The following CAPZB variants were observed in gnomAD, a reference collection of about 807,000 sequenced individuals.
The protein encoded by CAPZB is F-actin-capping protein subunit beta.
A neutral mutation model predicts 38.1 loss-of-function variants in CAPZB; 2 were observed. The ratio of observed to expected loss-of-function variants is 0.05; its 90% CI spans 0.02 to 0.17. CAPZB has a LOEUF of 0.17. Among genes scored for constraint, CAPZB ranks in the 10% least tolerant of loss-of-function variants. The pLI is 1.00. For missense variants in CAPZB, 161 were observed against 334.2 expected, an observed-to-expected ratio of 0.48 and a Z score of 4.04; for synonymous variants, 107 against 127.4, an observed-to-expected ratio of 0.84 and a Z score of 1.08.
Position 19,356,551 on chromosome 1 carries a change from G to A in CAPZB, c.588+84C>T, listed in dbSNP as rs1460909528. On this transcript the variant is annotated intron_variant, in intron 6 of 8. Transcript: ENST00000264202. This position sits in a 1 kb window ranked among gnomAD's most constrained non-coding sequence, Gnocchi z 4.3. The stretch of plus-strand genomic sequence containing the variant: ...GCTGAACATGCTTACCCTAAATGGG[G>A]CACCTGCTCACTCATCTCTGCAGGT... 4.6e-6 allele frequency: 4 copies of A among 860,712 alleles called. No individual in the cohort carries two copies. In the African/African-American group the frequency reaches 6.6e-5, roughly 14 times the overall value. 53.3% of individuals were successfully genotyped at this position (860,712 alleles called of 1,614,324 possible).
At chr1:19,421,328 A>G (rs1014668457) in intron 1 of CAPZB, among the ~76,000 whole-genome samples, 1 of 152,228 alleles carries the variant, frequency 6.6e-6, no homozygotes, top group Non-Finnish European at 1.5e-5. Context: ...ATTATTAAGG[A>G]GAGTCAATTT....
At chr1:19,370,666 T>C (rs1020698169) in intron 4 of CAPZB, among the ~76,000 whole-genome samples, 1 of 152,144 alleles carries the variant, frequency 6.6e-6, no homozygotes, top group African/African-American at 2.4e-5. Flanking sequence ...GTCACTCTTA[T>C]CAGGGAGTGG....
intron 4 of CAPZB, among the ~76,000 whole-genome samples, chr1:19,362,166 A>G (rs2094056362): frequency 6.7e-6 from 1 of 150,038 alleles, no homozygotes; most frequent in Non-Finnish European, 1.5e-5. Context: ...GTCTCTGGTC[A>G]AGGAGGTAGA....
chr1:19,407,828 C>T (rs1217660589), intron 2 of CAPZB, among the ~76,000 whole-genome samples: 4 of 152,142 alleles, frequency 2.6e-5, no homozygotes, highest in Non-Finnish European at 5.9e-5. Context: ...AAGAAAAGTG[C>T]CTAGCAAGCA....
At chr1:19,399,174 C>T (rs765719632) in intron 2 of CAPZB, among the ~76,000 whole-genome samples, 6 of 152,178 alleles carry the variant, frequency 3.9e-5, no homozygotes, top group Middle Eastern at 3.4e-3. Flanking sequence ...ACAACTCTTG[C>T]GTGTGCTAAA....
intron 4 of CAPZB, among the ~76,000 whole-genome samples, chr1:19,363,683 G>A (rs1341479494): frequency 2.0e-5 from 3 of 152,178 alleles, no homozygotes; most frequent in Admixed American, 6.5e-5. Flanking sequence ...GGGTGGAAAC[G>A]TGCTCGGGGA....
chr1:19,413,199 TGGA>T (rs1482316627), intron 2 of CAPZB, among the ~76,000 whole-genome samples: 4 of 152,202 alleles, frequency 2.6e-5, no homozygotes, highest in Non-Finnish European at 5.9e-5. Flanking sequence ...TTTTGACCCG[TGGA>T]GGAGAAGGCA....
At chr1:19,470,736 A>T (rs1421212573) in intron 1 of CAPZB, among the ~76,000 whole-genome samples, 1 of 152,240 alleles carries the variant, frequency 6.6e-6, no homozygotes, top group Non-Finnish European at 1.5e-5. Flanking sequence ...TGGGTTCAAG[A>T]CCTGACTCTG....
intron 4 of CAPZB, among the ~76,000 whole-genome samples, chr1:19,365,601 C>T (rs1039074492): frequency 2.6e-5 from 4 of 151,876 alleles, no homozygotes; most frequent in African/African-American, 7.3e-5. Flanking sequence ...GAGGCCGAGA[C>T]GGGCAGATCA....
intron 2 of CAPZB, among the ~76,000 whole-genome samples, chr1:19,409,844 A>T (rs1302297510): frequency 1.3e-5 from 2 of 152,230 alleles, no homozygotes; most frequent in African/African-American, 4.8e-5. Flanking sequence ...GCACTGGCTT[A>T]TGCACCTTCT....
At chr1:19,371,200 G>A (rs1298594798) in intron 4 of CAPZB, among the ~76,000 whole-genome samples, 1 of 152,212 alleles carries the variant, frequency 6.6e-6, no homozygotes, top group Non-Finnish European at 1.5e-5. Context: ...GCTGTGGGAG[G>A]TGGTGGAAGA....
intron 1 of CAPZB, among the ~76,000 whole-genome samples, chr1:19,440,210 G>C (rs1415151321): frequency 6.6e-6 from 1 of 152,076 alleles, no homozygotes; most frequent in African/African-American, 2.4e-5. Flanking sequence ...GTTAATTTTT[G>C]TACTTTTTGG....
intron 1 of CAPZB, among the ~76,000 whole-genome samples, chr1:19,428,228 C>A (rs1014561957): frequency 3.9e-5 from 6 of 152,128 alleles, no homozygotes; most frequent in African/African-American, 1.4e-4. Flanking sequence ...CATGGTGAAA[C>A]CCCACCTCTA....
chr1:19,484,426 G>T, intron 1 of CAPZB: 1 of 1,517,516 alleles, frequency 6.6e-7, no homozygotes, highest in Non-Finnish European at 8.8e-7. Context: ...GTGGACCCCG[G>T]CCTGCCCTGC....
intron 1 of CAPZB, among the ~76,000 whole-genome samples, chr1:19,466,381 C>G (rs910406579): frequency 2.0e-5 from 3 of 152,164 alleles, no homozygotes; most frequent in African/African-American, 7.2e-5. Context: ...AAGCAGCACA[C>G]GTGAAGACAA....
intron 1 of CAPZB, among the ~76,000 whole-genome samples, chr1:19,454,015 C>T (rs3913439): frequency 0.28 from 42,592 of 152,164 alleles, 7,055 homozygotes; most frequent in Middle Eastern, 0.42. Context: ...CCCCTAAGTG[C>T]GCTGCCTCCT....
intron 3 of CAPZB, 93 bp downstream of exon 3, chr1:19,385,412 C>T (rs2094198688): frequency 1.3e-6 from 2 of 1,491,128 alleles, no homozygotes; most frequent in Non-Finnish European, 1.8e-6. Flanking sequence ...CTGCCAGCTG[C>T]CCAAGTCCAA....
At chr1:19,394,381 T>C (rs1051797625) in intron 2 of CAPZB, among the ~76,000 whole-genome samples, 1 of 152,224 alleles carries the variant, frequency 6.6e-6, no homozygotes, top group Non-Finnish European at 1.5e-5. Flanking sequence ...TCGCTAAGTG[T>C]ACACATTAAG....
intron 4 of CAPZB, among the ~76,000 whole-genome samples, chr1:19,377,882 GGTGC>G (rs1205712286): frequency 6.6e-6 from 1 of 152,192 alleles, no homozygotes; most frequent in Non-Finnish European, 1.5e-5. Flanking sequence ...TTTTAAGGAA[GGTGC>G]CGAGGCCACA....
Sources: allele counts gnomAD v4.1 joint callset (sites outside exome capture counted in the v4.1 genomes callset), GRCh38; gene constraint gnomAD v4.1.1; non-coding constraint Gnocchi (gnomAD v3.1); transcripts MANE v1.5; gene names NCBI Gene and HGNC (gene_info 2026-07-23, HGNC 2026-07-21).